NDUFAF6: variants seen among roughly 807,000 people sequenced by gnomAD.
The protein encoded by NDUFAF6 is NADH dehydrogenase (ubiquinone) complex I, assembly factor 6.
A neutral mutation model predicts 40.8 loss-of-function variants in NDUFAF6; 45 were observed. The observed-to-expected ratio is 1.10, with a 90% confidence interval of 0.87 to 1.42. NDUFAF6 has a LOEUF of 1.42. Among genes scored for constraint, NDUFAF6 ranks in the 40% most tolerant of loss-of-function variants. The pLI is 0.00. For missense variants in NDUFAF6, 435 were observed against 418.5 expected (o/e 1.04, Z -0.34); for synonymous variants, 185 against 155.9 (o/e 1.19, Z -1.39).
downstream of NDUFAF6, among the ~76,000 whole-genome samples, chr8:95,062,732 T>C (rs1563847913): frequency 6.6e-6 from 1 of 152,232 alleles, no homozygotes. Flanking sequence ...TTTAACTAGT[T>C]AGACATTTCT....
downstream of NDUFAF6, among the ~76,000 whole-genome samples, chr8:95,060,780 G>A (rs1356746204): frequency 2.0e-5 from 3 of 152,166 alleles, no homozygotes; most frequent in African/African-American, 7.2e-5. Context: ...AAGTTTAAAA[G>A]CTCAAAGGCA....
intron 1 of NDUFAF6, chr8:94,896,558 G>A (rs569823916): frequency 6.6e-6 from 1 of 152,158 alleles, no homozygotes; most frequent in African/African-American, 2.4e-5. Context: ...AAGATCCCCC[G>A]GGTGGAGGAG....
At chr8:95,003,819 G>A (rs74306617) in intron 2 of NDUFAF6, among the ~76,000 whole-genome samples, 3,310 of 152,222 alleles carry the variant, frequency 0.022, 70 homozygotes, top group East Asian at 0.11. Context: ...CATAAAATTT[G>A]TGATTTTAAC....
At chr8:95,007,306 C>CG (rs1554658439) in intron 2 of NDUFAF6, among the ~76,000 whole-genome samples, 1 of 149,366 alleles carries the variant, frequency 6.7e-6, no homozygotes, top group Admixed American at 6.7e-5. Flanking sequence ...CCTGTAATAC[C>CG]AAAAAAAAAA....
intron 2 of NDUFAF6, among the ~76,000 whole-genome samples, chr8:95,005,548 TATATAA>T (rs566598195): frequency 0.096 from 13,208 of 137,582 alleles, 1,030 homozygotes; most frequent in Middle Eastern, 0.2. Flanking sequence ...TATATATATA[TATATAA>T]AAAATATATT....
At chr8:95,028,160 G>T (rs902190463) in intron 1 of NDUFAF6, among the ~76,000 whole-genome samples, 2 of 152,220 alleles carry the variant, frequency 1.3e-5, no homozygotes, top group Non-Finnish European at 2.9e-5. Context: ...TTTCTTATAT[G>T]TCTGTCTCTC....
intron 1 of NDUFAF6, among the ~76,000 whole-genome samples, chr8:94,959,846 A>G (rs1020470533): frequency 6.6e-6 from 1 of 152,052 alleles, no homozygotes; most frequent in Non-Finnish European, 1.5e-5. Flanking sequence ...GGCCTGGCCT[A>G]TTTGTATGAA....
At chr8:94,897,221 G>A (rs927284438) in intron 1 of NDUFAF6, among the ~76,000 whole-genome samples, 32 of 152,158 alleles carry the variant, frequency 2.1e-4, no homozygotes, top group African/African-American at 7.7e-4. Flanking sequence ...TGTATGCTCA[G>A]TACTGAGTTA....
chr8:95,014,675 A>G (rs893606235), intron 2 of NDUFAF6, among the ~76,000 whole-genome samples: 1 of 152,180 alleles, frequency 6.6e-6, no homozygotes, highest in African/African-American at 2.4e-5. Flanking sequence ...TCCAACTCAA[A>G]CTCTCCTAAG....
chr8:94,942,724 C>G (rs1340249372), intron 1 of NDUFAF6, among the ~76,000 whole-genome samples: 2 of 152,196 alleles, frequency 1.3e-5, no homozygotes, highest in African/African-American at 4.8e-5. Context: ...GTTCTCCAGG[C>G]TACCTGGGTG....
intron 8 of NDUFAF6, among the ~76,000 whole-genome samples, chr8:95,056,905 C>CAAAAA (rs33945993): frequency 1.4e-5 from 2 of 141,076 alleles, no homozygotes; most frequent in African/African-American, 5.2e-5. Flanking sequence ...GACTCTGTCT[C>CAAAAA]AAAAAAAAAA....
chr8:95,010,583 G>GAGA (rs1220703440), intron 2 of NDUFAF6, among the ~76,000 whole-genome samples: 1 of 152,202 alleles, frequency 6.6e-6, no homozygotes, highest in Non-Finnish European at 1.5e-5. Flanking sequence ...AAAGGATTGT[G>GAGA]TTCCTGAGAG....
At position 94,939,788 on chromosome 8, in the gene NDUFAF6, C is replaced by G. The variant is rs2123646; in HGVS notation, c.-935-5695C>G. ...AGTTTTGCATCTTCTAATAACTTAG[C>G]TTTGAATTACAGTAGAGACAAAATG... On this transcript the variant is annotated intron_variant, in intron 1 of 14. Coordinates refer to the NDUFAF6 transcript ENST00000396113. 6.1e-3 allele frequency: 9,432 copies of G among 1,552,706 alleles called. 300 individuals carry two copies. The African/African-American group carries it at 0.088, about 14-fold the overall frequency.
chr8:95,088,222 C>T (rs1809113783), intron 2 of NDUFAF6, among the ~76,000 whole-genome samples: 1 of 152,222 alleles, frequency 6.6e-6, no homozygotes, highest in Non-Finnish European at 1.5e-5. Context: ...TGCCTCTCAC[C>T]TCTGCCACAG....
chr8:94,962,007 A>C (rs1195316398), intron 1 of NDUFAF6, among the ~76,000 whole-genome samples: 1 of 152,058 alleles, frequency 6.6e-6, no homozygotes, highest in East Asian at 1.9e-4. Context: ...ACACTTCTCC[A>C]CTTTGTCCTT....
chr8:95,081,784 G>T (rs926249206), intron 2 of NDUFAF6, among the ~76,000 whole-genome samples: 2 of 152,162 alleles, frequency 1.3e-5, no homozygotes, highest in Admixed American at 6.5e-5. Flanking sequence ...CTGTTGGGCC[G>T]GGCGTGGTGG....
chr8:94,997,696 T>C (rs1009805820), intron 2 of NDUFAF6, among the ~76,000 whole-genome samples: 1 of 152,242 alleles, frequency 6.6e-6, no homozygotes, highest in Non-Finnish European at 1.5e-5. Context: ...ATTTATTTAC[T>C]GTTGCCATAG....
chr8:94,973,708 CA>C (rs34298876), intron 1 of NDUFAF6, among the ~76,000 whole-genome samples: 67,821 of 126,372 alleles, frequency 0.54, 16,694 homozygotes, highest in East Asian at 0.72. Flanking sequence ...GACTCTGTCT[CA>C]AAAAAAAAAA....
At chr8:95,041,750 A>G (rs1460702101) in intron 4 of NDUFAF6, 124 bp downstream of exon 4, 1 of 817,138 alleles carries the variant, frequency 1.2e-6, no homozygotes, top group East Asian at 2.5e-5. Context: ...TTAGAGAATT[A>G]TGCCATTTTA....
Sources: allele counts gnomAD v4.1 joint callset (sites outside exome capture counted in the v4.1 genomes callset), GRCh38; gene constraint gnomAD v4.1.1; transcripts MANE v1.5; gene names NCBI Gene and HGNC (gene_info 2026-07-23, HGNC 2026-07-21).